Variants in CCDC85A observed in about 807,000 individuals in gnomAD.
CCDC85A encodes the protein coiled-coil domain containing 85A.
CCDC85A carries 38 observed loss-of-function variants against 50.2 expected under a neutral mutation model. The ratio of observed to expected loss-of-function variants is 0.76; its 90% confidence interval spans 0.58 to 0.99. The LOEUF (loss-of-function observed/expected upper bound fraction) is 0.99, where lower values mean the gene tolerates loss of function less well. Ranked by LOEUF, CCDC85A falls within the 50% of genes least tolerant of loss-of-function variation. The pLI is 0.00. For missense variants in CCDC85A, 820 were observed against 742.0 expected, an observed-to-expected ratio of 1.11 and a Z score of -1.22; for synonymous variants, 366 against 301.4, an observed-to-expected ratio of 1.21 and a Z score of -2.22.
intron 2 of CCDC85A, among the ~76,000 whole-genome samples, chr2:56,306,025 C>G (rs1573219395): frequency 1.3e-5 from 2 of 152,164 alleles, no homozygotes; most frequent in Non-Finnish European, 2.9e-5. Flanking sequence ...TTAAGTCTTG[C>G]TAAGTGCCAG....
chr2:56,277,842 C>T (rs1348523497), intron 2 of CCDC85A, among the ~76,000 whole-genome samples: 2 of 152,178 alleles, frequency 1.3e-5, no homozygotes, highest in East Asian at 1.9e-4. Context: ...CTAGGTTCTA[C>T]AAGATGGTGA....
intron 2 of CCDC85A, among the ~76,000 whole-genome samples, chr2:56,256,170 C>G (rs1669975564): frequency 6.6e-6 from 1 of 152,098 alleles, no homozygotes; most frequent in South Asian, 2.1e-4. Context: ...GCAGAGGACC[C>G]TATGAAAGGG....
At chr2:56,224,585 G>T (rs550899095) in intron 2 of CCDC85A, among the ~76,000 whole-genome samples, 1 of 152,212 alleles carries the variant, frequency 6.6e-6, no homozygotes, top group South Asian at 2.1e-4. Context: ...AGTGTATGAG[G>T]GTTCCACTTC....
intron 2 of CCDC85A, among the ~76,000 whole-genome samples, chr2:56,214,665 T>C (rs1230813204): frequency 6.6e-6 from 1 of 152,000 alleles, no homozygotes; most frequent in Non-Finnish European, 1.5e-5. Flanking sequence ...ACTTTACTTC[T>C]TTGTTAAAGA....
chr2:56,333,934 C>T (rs1673948428), intron 2 of CCDC85A, among the ~76,000 whole-genome samples: 1 of 152,204 alleles, frequency 6.6e-6, no homozygotes, highest in Admixed American at 6.5e-5. Context: ...TCACTTCCCT[C>T]TCCATGACTA....
At chr2:56,293,789 A>C (rs1671827731) in intron 2 of CCDC85A, among the ~76,000 whole-genome samples, 1 of 152,208 alleles carries the variant, frequency 6.6e-6, no homozygotes, top group Non-Finnish European at 1.5e-5. Flanking sequence ...GGCAATTATT[A>C]AAAAGTCAAA....
intron 2 of CCDC85A, among the ~76,000 whole-genome samples, chr2:56,202,648 C>G (rs560061486): frequency 7.9e-5 from 12 of 152,176 alleles, no homozygotes; most frequent in Non-Finnish European, 1.3e-4. Context: ...ACTAATTAAG[C>G]CAGTTATTCT....
intron 5 of CCDC85A, among the ~76,000 whole-genome samples, chr2:56,381,378 A>G (rs1024900444): frequency 3.9e-5 from 6 of 152,062 alleles, no homozygotes; most frequent in Non-Finnish European, 8.8e-5. Context: ...AGTTCAGACA[A>G]TAGGAACTGT....
At chr2:56,324,458 G>C (rs62164362) in intron 2 of CCDC85A, among the ~76,000 whole-genome samples, 2 of 151,328 alleles carry the variant, frequency 1.3e-5, no homozygotes, top group Admixed American at 1.3e-4. Flanking sequence ...TACAAGCAGA[G>C]ACACTCCTCT....
Position 56,384,511 on chromosome 2 carries a change from A to G in CCDC85A, c.*156A>G. 3 of 594,092 alleles carry G rather than the reference A, an allele frequency of 5.0e-6. No homozygotes were observed. The highest frequency in any genetic ancestry group is 9.0e-6 in the Non-Finnish European group (3 of 335,026). The allele number at this position is 594,092 out of a possible 1,614,324, so 36.8% of individuals were successfully genotyped here. On this transcript the variant is annotated 3_prime_UTR_variant, in exon 6 of 6. Coordinates refer to ENST00000407595, the MANE Select transcript of CCDC85A (RefSeq NM_001080433.2). Reference sequence around the variant, plus strand: ...TCTCCCCTCTAAAACCTGTAGTACAACTTCTCCCCTCAAGCTGATATTCTG... The same window carrying G: ...TCTCCCCTCTAAAACCTGTAGTACAGCTTCTCCCCTCAAGCTGATATTCTG...
chr2:56,288,460 AATAATGAAGT>A (rs2104133195), intron 2 of CCDC85A, among the ~76,000 whole-genome samples: 1 of 152,304 alleles, frequency 6.6e-6, no homozygotes, highest in East Asian at 1.9e-4. Context: ...ATACTTCATA[AATAATGAAGT>A]TATTATGAAG....
At chr2:56,283,060 T>G (rs1044610091) in intron 2 of CCDC85A, among the ~76,000 whole-genome samples, 13 of 152,306 alleles carry the variant, frequency 8.5e-5, no homozygotes, top group African/African-American at 2.4e-4. Context: ...AGTAAAATAT[T>G]TAGGATTTTT....
chr2:56,316,251 C>T (rs142336538), intron 2 of CCDC85A, among the ~76,000 whole-genome samples: 19 of 152,272 alleles, frequency 1.2e-4, no homozygotes, highest in African/African-American at 4.6e-4. Context: ...AACCATTAAT[C>T]TCTGGCAGGA....
intron 2 of CCDC85A, among the ~76,000 whole-genome samples, chr2:56,274,581 G>A (rs1670844831): frequency 6.6e-6 from 1 of 152,148 alleles, no homozygotes; most frequent in Non-Finnish European, 1.5e-5. Context: ...AGGGCAATCT[G>A]CTTCACTTAA....
chr2:56,201,989 C>T (rs188836003), intron 2 of CCDC85A, among the ~76,000 whole-genome samples: 103 of 152,158 alleles, frequency 6.8e-4, no homozygotes, highest in African/African-American at 2.3e-3. Flanking sequence ...AAGCTGACTC[C>T]CAGGGCACAG....
chr2:56,358,991 A>C (rs1335850003), intron 3 of CCDC85A, among the ~76,000 whole-genome samples: 25 of 142,994 alleles, frequency 1.7e-4, no homozygotes, highest in Admixed American at 1.2e-3. Context: ...TTTAGTAGAG[A>C]TGGGGTTTCA....
intron 3 of CCDC85A, among the ~76,000 whole-genome samples, chr2:56,349,708 T>G (rs1674812061): frequency 6.6e-6 from 1 of 152,176 alleles, no homozygotes; most frequent in South Asian, 2.1e-4. Context: ...TTAAACATAT[T>G]AGTAGAATTA....
At chr2:56,209,915 C>T (rs78879570) in intron 2 of CCDC85A, among the ~76,000 whole-genome samples, 5,089 of 152,120 alleles carry the variant, frequency 0.033, 99 homozygotes, top group South Asian at 0.11. Flanking sequence ...CTTACTGGCC[C>T]TTGATGTCTG....
intron 2 of CCDC85A, among the ~76,000 whole-genome samples, chr2:56,305,229 G>T (rs80133360): frequency 6.6e-6 from 1 of 152,162 alleles, no homozygotes; most frequent in African/African-American, 2.4e-5. Flanking sequence ...GAATGGAGAT[G>T]AATACATATG....
Sources: gnomAD v4.1 joint callset for allele counts (sites outside exome capture counted in the v4.1 genomes callset) on GRCh38, gnomAD v4.1.1 for gene constraint, MANE v1.5 for transcripts, NCBI Gene and HGNC (gene_info 2026-07-23, HGNC 2026-07-21) for gene names.